PCSK6: variants seen among roughly 807,000 people sequenced by gnomAD.
PCSK6 encodes paired basic amino acid cleaving enzyme 4.
A neutral mutation model predicts 123.3 loss-of-function variants in PCSK6; 85 were observed. The ratio of observed to expected loss-of-function variants is 0.69; its 90% confidence interval spans 0.58 to 0.83. The LOEUF (loss-of-function observed/expected upper bound fraction) is 0.83. PCSK6 is among the 40% of genes least tolerant of loss of function. The pLI, the probability that PCSK6 is intolerant of heterozygous loss-of-function variation, is 0.00. For synonymous variants in PCSK6, 508 were observed against 516.0 expected, an observed-to-expected ratio of 0.98 and a Z score of 0.21; for missense variants, 1,191 against 1,282.3, an observed-to-expected ratio of 0.93 and a Z score of 1.09.
intron 2 of PCSK6, among the ~76,000 whole-genome samples, chr15:101,436,864 A>G (rs1285955831): frequency 6.6e-6 from 1 of 152,182 alleles, no homozygotes; most frequent in African/African-American, 2.4e-5. Context: ...GAATTTAAAG[A>G]AAGAAAAATC....
intron 5 of PCSK6, among the ~76,000 whole-genome samples, chr15:101,428,388 C>T (rs1413413345): frequency 6.6e-6 from 1 of 152,186 alleles, no homozygotes; most frequent in Non-Finnish European, 1.5e-5. Context: ...GCAGCAGGGA[C>T]ACCTGCTGCC....
intron 1 of PCSK6, among the ~76,000 whole-genome samples, chr15:101,467,171 C>T (rs1312851296): frequency 6.6e-6 from 1 of 152,066 alleles, no homozygotes; most frequent in Non-Finnish European, 1.5e-5. Context: ...ATTCATATGC[C>T]GTATATGTAC....
At chr15:101,317,884 G>A (rs745846845) in intron 19 of PCSK6, among the ~76,000 whole-genome samples, 2 of 152,172 alleles carry the variant, frequency 1.3e-5, no homozygotes, top group African/African-American at 4.8e-5. Flanking sequence ...TGTGGAGAAC[G>A]GGGTCTCACA....
rs1359501549 is a variant in PCSK6 at position 101,318,377 on chromosome 15, G to A, written c.2511C>T (p.Tyr837=). ...SCIPDCEPGT[Y]FDSELIRCGE... ...CACATCTGATCAGCTCTGAGTCAAA[G>A]TAGGTGCCTGGCTCACAGTCAGGAA... The change falls in exon 19 of 22, where the codon TAC becomes TAT. Residue 837 remains tyrosine, a synonymous_variant. Transcript: ENST00000611716. The A allele has an allele frequency of 6.4e-7, 1 of 1,565,498 alleles. No homozygotes were observed. Among genetic ancestry groups the A allele is most frequent in the South Asian group, 1.2e-5 (1 of 84,664 alleles).
At chr15:101,457,050 G>C (rs1294464646) in intron 1 of PCSK6, among the ~76,000 whole-genome samples, 2 of 152,162 alleles carry the variant, frequency 1.3e-5, no homozygotes, top group South Asian at 2.1e-4. Flanking sequence ...GTGCACACCT[G>C]TAATCCCAGC....
rs1173692526 is a variant in PCSK6 at position 101,318,336 on chromosome 15, G to C, written c.2552C>G (p.Thr851Ser). The part of the protein sequence containing the change: ...ELIRCGECHH[T>S]CGTCVGPGRE... ...GAACTCACCCACGCAGGTTCCGCAG[G>C]TGTGATGGCATTCCCCACATCTGAT... The change falls in exon 19 of 22, where the codon ACC becomes AGC. Residue 851 changes from threonine (T) to serine (S), a missense_variant. Thr to Ser is a moderately conservative substitution (Grantham distance 58). Coordinates refer to ENST00000611716, the MANE Select transcript of PCSK6 (RefSeq NM_002570.5). 6.4e-7 allele frequency: 1 copy of C among 1,559,870 alleles called. No individual in the cohort carries two copies. The highest frequency in any genetic ancestry group is 1.4e-5 in the African/African-American group (1 of 73,350).
chr15:101,324,339 C>T (rs969601901), intron 17 of PCSK6, among the ~76,000 whole-genome samples: 4 of 152,338 alleles, frequency 2.6e-5, no homozygotes, highest in African/African-American at 9.6e-5. Context: ...ATTTCATCTC[C>T]GCAGCTCTGC....
chr15:101,369,025 G>C (rs963397167), intron 12 of PCSK6, among the ~76,000 whole-genome samples: 1 of 152,150 alleles, frequency 6.6e-6, no homozygotes, highest in Non-Finnish European at 1.5e-5. Flanking sequence ...AGGTGCCCCT[G>C]TGACACTCGT....
rs138711600 is a variant in PCSK6, at chr15:101,322,506, C to A, written c.2465+14G>T. The A allele has an allele frequency of 3.4e-5, 54 of 1,585,784 alleles. 1 individual carries two copies. The African/African-American group carries it at 6.5e-4, about 19-fold the overall frequency. ...CACCGCCCTGACATTCCTCAGGTTT[C>A]GAGGGGGTTTTACCTGAATCCTTCT... On this transcript the variant is annotated intron_variant, in intron 18 of 21. Coordinates refer to ENST00000611716, the MANE Select transcript of PCSK6 (RefSeq NM_002570.5).
At position 101,304,409 on chromosome 15, in the gene PCSK6, A is replaced by G. The variant is rs1380751455; in HGVS notation, c.*849T>C. ...GGAAGTGATGGATGATTAACAATGC[A>G]TGGCTGGCTTTACATTTTGTTCAGA... On this transcript the variant is annotated 3_prime_UTR_variant, in exon 22 of 22. Transcript: ENST00000611716. The G allele has an allele frequency of 6.6e-6, 1 of 152,294 alleles. No individual in the cohort carries two copies. The highest frequency in any genetic ancestry group is 1.5e-5 in the Non-Finnish European group (1 of 68,040). 9.4% of individuals were successfully genotyped at this position (152,294 alleles called of 1,614,324 possible).
chr15:101,339,980 T>C (rs141043465), intron 13 of PCSK6, among the ~76,000 whole-genome samples: 22 of 152,052 alleles, frequency 1.4e-4, no homozygotes, highest in African/African-American at 4.3e-4. Flanking sequence ...TGTATGTATA[T>C]GTATACACAC....
At chr15:101,423,900 A>G (rs1171890564) in intron 6 of PCSK6, among the ~76,000 whole-genome samples, 1 of 152,250 alleles carries the variant, frequency 6.6e-6, no homozygotes, top group East Asian at 1.9e-4. Flanking sequence ...CAGGCAAAGC[A>G]CAGATATTTT....
intron 6 of PCSK6, among the ~76,000 whole-genome samples, chr15:101,415,723 A>G (rs1313954934): frequency 2.0e-5 from 3 of 152,240 alleles, no homozygotes; most frequent in Non-Finnish European, 4.4e-5. Context: ...AGGTAATTGA[A>G]TCATGGGTGC....
intron 6 of PCSK6, among the ~76,000 whole-genome samples, chr15:101,420,106 G>A (rs1435373194): frequency 1.3e-5 from 2 of 150,310 alleles, no homozygotes; most frequent in African/African-American, 4.9e-5. Context: ...CAGGAGAATT[G>A]CTTGAACCCA....
At position 101,427,894 on chromosome 15, in the gene PCSK6, C is replaced by T; in HGVS notation, c.821G>A (p.Gly274Glu). ...CAGGCTGCCACGCCCGGCCTTACCTCCTATTTTGGCATTGTACGCTATGCC... is the reference window on the plus strand; with the variant it reads ...CAGGCTGCCACGCCCGGCCTTACCTTCTATTTTGGCATTGTACGCTATGCC... ...IVGIAYNAKI[G>E]GIRMLDGDVT... The change falls in exon 6 of 22, where the codon GGA (glycine) becomes GAA (glutamate). Residue 274 changes from glycine to glutamate, a missense_variant and splice_region_variant. Physicochemically the swap from Gly to Glu is moderately conservative, Grantham distance 98. Transcript: ENST00000611716. 1 of 1,569,106 alleles carries T rather than the reference C, an allele frequency of 6.4e-7. No individual in the cohort carries two copies. Among genetic ancestry groups the T allele is most frequent in the Non-Finnish European group, 8.6e-7 (1 of 1,156,088 alleles).
In PCSK6 at chr15:101,379,437, G is replaced by T. The variant is rs546497386; in HGVS notation, c.1532+2655C>A. ...GCTGTCTGACCTTTGGTCACACCAG[G>T]GTAGCATCCTCTCCTGTTCAAGAGA... On this transcript the variant is annotated intron_variant, in intron 11 of 21. Transcript: ENST00000611716. Among the ~76,000 whole-genome samples the T allele has an allele frequency of 2.0e-5, 3 of 152,284 alleles. No individual in the cohort carries two copies. In the South Asian group the frequency reaches 6.2e-4, roughly 32 times the overall value.
chr15:101,310,834 C>G (rs1405205037), intron 20 of PCSK6, among the ~76,000 whole-genome samples: 2 of 152,216 alleles, frequency 1.3e-5, no homozygotes, highest in Non-Finnish European at 2.9e-5. Flanking sequence ...CGGTACCCAG[C>G]TGGCAGCCAG....
chr15:101,487,184 G>T (rs1407468677), intron 1 of PCSK6, among the ~76,000 whole-genome samples: 3 of 152,248 alleles, frequency 2.0e-5, no homozygotes, highest in African/African-American at 7.2e-5. Flanking sequence ...GGAATAAAGA[G>T]TAATAGGCCC....
At chr15:101,425,090 G>T (rs1361428282) in intron 6 of PCSK6, among the ~76,000 whole-genome samples, 1 of 152,214 alleles carries the variant, frequency 6.6e-6, no homozygotes, top group Non-Finnish European at 1.5e-5. Context: ...GGGCATGAGG[G>T]TGTGGCTGAG....
Sources: allele counts gnomAD v4.1 joint callset (sites outside exome capture counted in the v4.1 genomes callset), GRCh38; gene constraint gnomAD v4.1.1; transcripts MANE v1.5; gene names NCBI Gene and HGNC (gene_info 2026-07-23, HGNC 2026-07-21).